Variants in RNFT2 observed in about 807,000 individuals in gnomAD.
RNFT2 encodes the protein ring finger protein, transmembrane 2, also known as E3 ubiquitin-protein ligase RNFT2.
RNFT2 carries 36 observed loss-of-function variants against 53.0 expected under a neutral mutation model. The observed-to-expected ratio is 0.68, with a 90% CI of 0.52 to 0.90. The LOEUF is 0.90. Among genes scored for constraint, RNFT2 ranks in the 40% least tolerant of loss-of-function variants. The pLI, the probability that RNFT2 is intolerant of heterozygous loss-of-function variation, is 0.00. For synonymous variants in RNFT2, 260 were observed against 253.2 expected (o/e 1.03, Z -0.26); for missense variants, 514 against 585.6 (o/e 0.88, Z 1.26).
rs1372550253 is a variant in RNFT2 at position 116,850,254 on chromosome 12, A to G, written c.*806A>G. The stretch of plus-strand genomic sequence containing the variant: ...ACTGCAACCTTGAACTCCTGGGCCC[A>G]AGCCATCCTCCCGCCTCAGCCTCCC... On this transcript the variant is annotated 3_prime_UTR_variant, in exon 11 of 11. Transcript: ENST00000257575. 1 of 146,940 alleles carries G rather than the reference A, an allele frequency of 6.8e-6. No homozygotes were observed. Among genetic ancestry groups the G allele is most frequent in the Non-Finnish European group, 1.5e-5 (1 of 67,414 alleles). The allele number at this position is 146,940 out of a possible 1,614,324, so 9.1% of individuals were successfully genotyped here.
chr12:116,849,288 G>A (rs1225376984), intron 10 of RNFT2, 26 bp from the exon 11 acceptor site: 27 of 1,516,126 alleles, frequency 1.8e-5, no homozygotes. Context: ...AAGAGTCCTG[G>A]TGCCTGCTGA....
chr12:116,834,080 G>A (rs748296437), intron 8 of RNFT2, 139 bp downstream of exon 8: 10 of 621,804 alleles, frequency 1.6e-5, no homozygotes, highest in Non-Finnish European at 2.2e-5. Flanking sequence ...AAATTCATAC[G>A]ACATGAAATT....
chr12:116,744,430 G>A (rs985878051), intron 3 of RNFT2, among the ~76,000 whole-genome samples: 2 of 152,130 alleles, frequency 1.3e-5, no homozygotes, highest in African/African-American at 4.8e-5. Context: ...GAGTGCTTAT[G>A]CTGTGCCAAC....
intron 7 of RNFT2, among the ~76,000 whole-genome samples, chr12:116,807,392 C>G (rs998883154): frequency 6.6e-6 from 1 of 152,092 alleles, no homozygotes; most frequent in Non-Finnish European, 1.5e-5. Flanking sequence ...TATCCAGTGT[C>G]CCTAGTACTG....
At chr12:116,804,633 A>G (rs1322360016) in intron 7 of RNFT2, among the ~76,000 whole-genome samples, 1 of 152,224 alleles carries the variant, frequency 6.6e-6, no homozygotes, top group Non-Finnish European at 1.5e-5. Context: ...GTTGAATTTT[A>G]GGATTGAGTA....
chr12:116,766,814 G>A lies in RNFT2; in HGVS notation c.628G>A (p.Glu210Lys). 7 of 1,587,328 alleles carry A rather than the reference G, an allele frequency of 4.4e-6. No individual in the cohort carries two copies. The highest frequency in any genetic ancestry group is 4.3e-6 in the Non-Finnish European group (5 of 1,165,650). ...CACATATCTCTTGCTTTGTCTTCAG[G>A]AGAAGAGGTCAGTGCTGGTCATCTT... The part of the protein sequence containing the change: ...STLREQVSLK[E>K]KRSVLVILWI... The change falls in exon 6 of 11, where the codon GAG (glutamate) becomes AAG (lysine). Residue 210 changes from glutamate to lysine, a missense_variant and splice_region_variant. By Grantham distance (56) the Glu-to-Lys change is moderately conservative (BLOSUM62 1). Around this residue, in one of 3 missense-constraint regions of RNFT2, gnomAD observed 273 missense variants for 334.4 expected, o/e 0.82. Transcript: ENST00000257575.
At position 116,748,726 on chromosome 12, in the gene RNFT2, C is replaced by T. The variant is rs565588802; in HGVS notation, c.84-1115C>T. On this transcript the variant is annotated intron_variant, in intron 3 of 10. Coordinates refer to ENST00000257575, the MANE Select transcript of RNFT2 (RefSeq NM_001382266.1). ...TTGAACTTGAAGACTGCAGAGCCAG[C>T]GGTCCTTGGGATCCCGAGGTAATTC... The T allele has an allele frequency of 2.3e-5, 10 of 435,088 alleles. No homozygotes were observed. The East Asian group carries it at 3.9e-4, about 17-fold the overall frequency. The allele number at this position is 435,088 out of a possible 1,614,324, so 27.0% of individuals were successfully genotyped here.
intron 7 of RNFT2, among the ~76,000 whole-genome samples, chr12:116,793,665 G>A (rs1161930309): frequency 6.6e-6 from 1 of 152,088 alleles, no homozygotes; most frequent in African/African-American, 2.4e-5. Context: ...TGTTCTTGCT[G>A]TTCCCTCTGC....
intron 5 of RNFT2, among the ~76,000 whole-genome samples, chr12:116,754,339 A>G (rs113205467): frequency 3.9e-4 from 60 of 152,292 alleles, no homozygotes; most frequent in African/African-American, 1.4e-3. Flanking sequence ...CCATGTATAT[A>G]TGTATATACA....
chr12:116,832,637 G>A (rs553000455), intron 7 of RNFT2, among the ~76,000 whole-genome samples: 12 of 152,144 alleles, frequency 7.9e-5, no homozygotes, highest in Non-Finnish European at 1.8e-4. Context: ...ACTACAGAGT[G>A]GGTGTATTTT....
chr12:116,793,297 C>G (rs1874342258), intron 7 of RNFT2, among the ~76,000 whole-genome samples: 1 of 149,024 alleles, frequency 6.7e-6, no homozygotes, highest in African/African-American at 2.5e-5. Context: ...ACCTTGACCT[C>G]CTGGACTCCA....
In RNFT2 at chr12:116,754,223, G is replaced by A. The variant is rs563994036; in HGVS notation, c.627+163G>A. 5.9e-5 allele frequency among the ~76,000 whole-genome samples: 9 copies of A among 152,224 alleles called. 1 individual carries two copies. The East Asian group carries it at 1.7e-3, about 29-fold the overall frequency. Reference sequence around the variant, plus strand: ...TATCAGTGAGAACGTACAATGTTTGGTTTTCCATTCCTGAGTTACATCACT... The same window carrying A: ...TATCAGTGAGAACGTACAATGTTTGATTTTCCATTCCTGAGTTACATCACT... On this transcript the variant is annotated intron_variant, in intron 5 of 10. Transcript: ENST00000257575.
chr12:116,752,064 T>C (rs138952218), intron 4 of RNFT2, among the ~76,000 whole-genome samples: 27 of 152,086 alleles, frequency 1.8e-4, no homozygotes, highest in African/African-American at 6.5e-4. Context: ...CATGAGAAAA[T>C]ATCGGTCAGG....
chr12:116,849,302 C>G lies in RNFT2; in HGVS notation c.1201-12C>G, dbSNP rs1486068877. Reference sequence around the variant, plus strand: ...AAAGAGTCCTGGTGCCTGCTGATTGCTGTCCCCGCAGCACGTGTTCTGTGA... The same window carrying G: ...AAAGAGTCCTGGTGCCTGCTGATTGGTGTCCCCGCAGCACGTGTTCTGTGA... On this transcript the variant is annotated splice_polypyrimidine_tract_variant and intron_variant, in intron 10 of 10. Coordinates refer to ENST00000257575, the MANE Select transcript of RNFT2 (RefSeq NM_001382266.1). The G allele has an allele frequency of 1.3e-6, 2 of 1,528,450 alleles. No individual in the cohort carries two copies. The highest frequency in any genetic ancestry group is 1.8e-6 in the Non-Finnish European group (2 of 1,137,672). The allele number at this position is 1,528,450 out of a possible 1,614,324, so 94.7% of individuals were successfully genotyped here. A position where few individuals can be genotyped will look rare whatever the true frequency, so the allele number is the denominator to read the frequency against.
chr12:116,830,039 T>C (rs1472513852), intron 7 of RNFT2, among the ~76,000 whole-genome samples: 2 of 152,240 alleles, frequency 1.3e-5, no homozygotes, highest in African/African-American at 4.8e-5. Flanking sequence ...ATGATATCTT[T>C]CATCAGGATG....
chr12:116,780,322 GAAA>G (rs1174876759), intron 7 of RNFT2, among the ~76,000 whole-genome samples: 1 of 152,188 alleles, frequency 6.6e-6, no homozygotes, highest in African/African-American at 2.4e-5. Context: ...GTTTCGGAAT[GAAA>G]CTGTTCCACT....
chr12:116,770,836 G>A (rs1386219746), intron 6 of RNFT2, among the ~76,000 whole-genome samples: 7 of 152,100 alleles, frequency 4.6e-5, no homozygotes, highest in Middle Eastern at 3.2e-3. Flanking sequence ...TCACAGGTGT[G>A]AGCCATTGTG....
In RNFT2 at chr12:116,787,418, A is replaced by C. The variant is rs146181982; in HGVS notation, c.882+8070A>C. 2.7e-3 allele frequency among the ~76,000 whole-genome samples: 416 copies of C among 152,334 alleles called. 1 individual carries two copies. The highest frequency in any genetic ancestry group is 9.4e-3 in the African/African-American group (390 of 41,582). Reference sequence around the variant, plus strand: ...CGTTCTTTAGATACTGTAAAGGTAAAAAGACTTGACAGGGCACAGTGGCTC... The same window carrying C: ...CGTTCTTTAGATACTGTAAAGGTAACAAGACTTGACAGGGCACAGTGGCTC... On this transcript the variant is annotated intron_variant, in intron 7 of 10. Transcript: ENST00000257575.
At chr12:116,800,744 G>T (rs1245988206) in intron 7 of RNFT2, among the ~76,000 whole-genome samples, 4 of 151,702 alleles carry the variant, frequency 2.6e-5, no homozygotes, top group Non-Finnish European at 5.9e-5. Flanking sequence ...AGCCTGGGAG[G>T]TGGAGGTTGC....
Sources: gnomAD v4.1 joint callset for allele counts (sites outside exome capture counted in the v4.1 genomes callset) on GRCh38, gnomAD v4.1.1 for gene constraint, gnomAD v4.1.1 regional missense constraint, MANE v1.5 for transcripts, NCBI Gene and HGNC (gene_info 2026-07-23, HGNC 2026-07-21) for gene names.